The following KAZN variants were observed in gnomAD, a reference collection of about 807,000 sequenced individuals.
The protein encoded by KAZN is kazrin.
KAZN carries 40 observed loss-of-function variants against 87.4 expected under a neutral mutation model. The observed-to-expected ratio is 0.46, with a 90% CI of 0.36 to 0.60. The LOEUF is 0.60. Ranked by LOEUF, KAZN falls within the 20% of genes least tolerant of loss-of-function variation. KAZN has a pLI of 0.00. For synonymous variants in KAZN, 466 were observed against 458.3 expected, an observed-to-expected ratio of 1.02 and a Z score of -0.22; for missense variants, 898 against 1,073.9, an observed-to-expected ratio of 0.84 and a Z score of 2.29.
intron 2 of KAZN, among the ~76,000 whole-genome samples, chr1:14,347,583 C>T (rs560016712): frequency 3.3e-5 from 5 of 152,178 alleles, no homozygotes; most frequent in African/African-American, 1.2e-4. Flanking sequence ...CTTTCTGTTA[C>T]TTACAACCAC....
chr1:14,941,261 T>C (rs1325374709), intron 1 of KAZN, among the ~76,000 whole-genome samples: 1 of 152,154 alleles, frequency 6.6e-6, no homozygotes, highest in African/African-American at 2.4e-5. Context: ...CCCACCCCAG[T>C]GCCATCAGGT....
intron 2 of KAZN, among the ~76,000 whole-genome samples, chr1:14,395,539 G>C (rs1294377267): frequency 6.6e-6 from 1 of 152,150 alleles, no homozygotes; most frequent in East Asian, 1.9e-4. Flanking sequence ...CAGCTCCTGT[G>C]GAGGAACATA....
intron 2 of KAZN, among the ~76,000 whole-genome samples, chr1:14,966,351 T>C (rs945324273): frequency 7.9e-5 from 12 of 152,204 alleles, no homozygotes; most frequent in African/African-American, 2.9e-4. Flanking sequence ...GCAGCATTAT[T>C]TTTTAAACAT....
chr1:14,953,103 G>A (rs1662690763), intron 1 of KAZN, among the ~76,000 whole-genome samples: 1 of 152,240 alleles, frequency 6.6e-6, no homozygotes, highest in Non-Finnish European at 1.5e-5. Context: ...AGAGCATGGT[G>A]TCGGGTGTTG....
chr1:15,030,510 G>A (rs1424657157), intron 2 of KAZN, among the ~76,000 whole-genome samples: 9 of 152,094 alleles, frequency 5.9e-5, no homozygotes, highest in African/African-American at 1.9e-4. Context: ...CGAGTGCTCC[G>A]CTCGCCTCTC....
intron 1 of KAZN, among the ~76,000 whole-genome samples, chr1:14,117,402 G>T (rs888520977): frequency 2.0e-5 from 3 of 152,176 alleles, no homozygotes; most frequent in African/African-American, 7.2e-5. Flanking sequence ...TCTGTTGACT[G>T]CTGCTATGTG....
At chr1:14,520,791 C>A (rs1356910209) in intron 2 of KAZN, among the ~76,000 whole-genome samples, 1 of 152,182 alleles carries the variant, frequency 6.6e-6, no homozygotes, top group African/African-American at 2.4e-5. Context: ...TGCACTAAAC[C>A]AAAGATGGTT....
At position 15,066,411 on chromosome 1, in the gene KAZN, C is replaced by T. The variant is rs940638924; in HGVS notation, c.1222+658C>T. On this transcript the variant is annotated intron_variant, in intron 8 of 14. Coordinates refer to ENST00000376030, the MANE Select transcript of KAZN (RefSeq NM_201628.3). The surrounding 1 kb of genome is among the most constrained non-coding windows in gnomAD (Gnocchi z 4.3). ...CGCCCAAGTCACTTTAACCACAAAA[C>T]GCCATCGTCGTCAGGGTAAGCTCTG... is the stretch of plus-strand genomic sequence containing the variant. 8 of 984,086 alleles carry T rather than the reference C, an allele frequency of 8.1e-6. No homozygotes were observed. In the South Asian group the frequency reaches 2.4e-4, roughly 29 times the overall value. The allele number at this position is 984,086 out of a possible 1,614,324, so 61.0% of individuals were successfully genotyped here.
intron 2 of KAZN, among the ~76,000 whole-genome samples, chr1:14,539,317 G>GAA (rs1386370104): frequency 1.3e-5 from 2 of 152,206 alleles, no homozygotes; most frequent in African/African-American, 4.8e-5. Flanking sequence ...CTTCAAATGA[G>GAA]AATGACTGCA....
At chr1:14,799,694 G>A (rs991288456) in intron 1 of KAZN, among the ~76,000 whole-genome samples, 4 of 152,148 alleles carry the variant, frequency 2.6e-5, no homozygotes, top group African/African-American at 9.7e-5. Context: ...GTGCGATGGT[G>A]GGCTCAGGAT....
At chr1:14,879,552 A>G (rs1653112434) in intron 1 of KAZN, among the ~76,000 whole-genome samples, 1 of 152,340 alleles carries the variant, frequency 6.6e-6, no homozygotes, top group East Asian at 1.9e-4. Flanking sequence ...ACAATCCAGC[A>G]GTATCAGATG....
intron 2 of KAZN, among the ~76,000 whole-genome samples, chr1:14,322,682 TC>T (rs1656128960): frequency 6.6e-6 from 1 of 152,180 alleles, no homozygotes; most frequent in Non-Finnish European, 1.5e-5. Context: ...ATTCACCCTC[TC>T]CATCAGTTTT....
chr1:14,784,627 C>T (rs558663822), intron 1 of KAZN, among the ~76,000 whole-genome samples: 1 of 152,274 alleles, frequency 6.6e-6, no homozygotes, highest in Admixed American at 6.5e-5. Flanking sequence ...AGCGTGGTGG[C>T]ACATGCCTCT....
At position 14,443,946 on chromosome 1, in the gene KAZN, A is replaced by G. The variant is rs932948117; in HGVS notation, c.250-155037A>G. On this transcript the variant is annotated intron_variant, in intron 2 of 16. Transcript: ENST00000636203. The stretch of plus-strand genomic sequence containing the variant: ...TTTGTAAATCCTAAGCAGAGCCACC[A>G]CCTGAGAGATCACAAGATTTGCTCA... Among the ~76,000 whole-genome samples the G allele has an allele frequency of 8.5e-5, 13 of 152,200 alleles. No homozygotes were observed. The South Asian group carries it at 1.7e-3, about 19-fold the overall frequency.
At chr1:14,125,890 G>A (rs1644854291) in intron 1 of KAZN, among the ~76,000 whole-genome samples, 1 of 150,280 alleles carries the variant, frequency 6.7e-6, no homozygotes, top group Non-Finnish European at 1.5e-5. Context: ...GATCAGGGCA[G>A]GATTGAGGAA....
intron 7 of KAZN, among the ~76,000 whole-genome samples, chr1:15,064,186 G>T (rs1007492787): frequency 6.6e-6 from 1 of 152,186 alleles, no homozygotes; most frequent in Non-Finnish European, 1.5e-5. Context: ...GCTGCAGGGA[G>T]GACAAACAAC....
intron 1 of KAZN, among the ~76,000 whole-genome samples, chr1:13,906,891 ACAGT>A (rs951097969): frequency 6.6e-6 from 1 of 152,154 alleles, no homozygotes; most frequent in Non-Finnish European, 1.5e-5. Flanking sequence ...ATTCCTAGCG[ACAGT>A]CAGGCAAACA....
intron 1 of KAZN, among the ~76,000 whole-genome samples, chr1:14,831,403 C>G (rs145887973): frequency 1.3e-5 from 2 of 152,202 alleles, no homozygotes; most frequent in African/African-American, 4.8e-5. Context: ...CCTTCCTGTA[C>G]TCTTCCCTTC....
chr1:13,943,566 A>G (rs1189659976), intron 1 of KAZN, among the ~76,000 whole-genome samples: 2 of 152,170 alleles, frequency 1.3e-5, no homozygotes, highest in African/African-American at 2.4e-5. Context: ...TAGAGAATGT[A>G]TTCTAAAATA....
Sources: gnomAD v4.1 joint callset for allele counts (sites outside exome capture counted in the v4.1 genomes callset) on GRCh38, gnomAD v4.1.1 for gene constraint, Gnocchi (gnomAD v3.1) non-coding constraint, MANE v1.5 for transcripts, NCBI Gene and HGNC (gene_info 2026-07-23, HGNC 2026-07-21) for gene names.